ACACA: variants seen among roughly 807,000 people sequenced by gnomAD.
ACACA encodes the protein acetyl-CoA carboxylase 1.
ACACA carries 103 observed loss-of-function variants against 296.1 expected under a neutral mutation model. That is an observed-to-expected ratio of 0.35 (90% CI 0.30 to 0.41). The LOEUF (loss-of-function observed/expected upper bound fraction) is 0.41, where lower values mean the gene tolerates loss of function less well. ACACA is among the 10% of genes least tolerant of loss of function. The pLI, the probability that ACACA is intolerant of heterozygous loss-of-function variation, is 1.00. For synonymous variants in ACACA, 953 were observed against 1,038.6 expected (o/e 0.92, Z 1.58); for missense variants, 1,554 against 2,989.7 (o/e 0.52, Z 11.20).
chr17:37,164,434 GATAAATATAAGCTATTTAATAT>G (rs2076585085), intron 41 of ACACA, among the ~76,000 whole-genome samples: 1 of 151,936 alleles, frequency 6.6e-6, no homozygotes, highest in African/African-American at 2.4e-5. Context: ...AACACCCTCA[GATAAATATAAGCTATTTAATAT>G]ATCATACCAT....
At chr17:37,160,336 T>C (rs1423805900) in intron 42 of ACACA, among the ~76,000 whole-genome samples, 2 of 152,206 alleles carry the variant, frequency 1.3e-5, no homozygotes, top group Non-Finnish European at 2.9e-5. Flanking sequence ...GTAGGAACTA[T>C]TCATTCAAAG....
chr17:37,180,458 C>G (rs2077276624), intron 40 of ACACA, among the ~76,000 whole-genome samples: 1 of 152,068 alleles, frequency 6.6e-6, no homozygotes, highest in Non-Finnish European at 1.5e-5. Context: ...GACTAGGAGA[C>G]TTGGAAAAAT....
chr17:37,318,404 CTAA>C (rs1007500086), intron 3 of ACACA, among the ~76,000 whole-genome samples: 6 of 152,114 alleles, frequency 3.9e-5, no homozygotes, highest in African/African-American at 1.4e-4. Context: ...CACCACCTGG[CTAA>C]TGTTTGTATT....
At chr17:37,386,541 G>A (rs1003846377) in intron 1 of ACACA, among the ~76,000 whole-genome samples, 2 of 152,132 alleles carry the variant, frequency 1.3e-5, no homozygotes, top group African/African-American at 2.4e-5. Context: ...GCAGTGAGCC[G>A]AGATTGTCCC....
intron 2 of ACACA, among the ~76,000 whole-genome samples, chr17:37,335,998 TG>T (rs1293453148): frequency 6.6e-6 from 1 of 152,080 alleles, no homozygotes; most frequent in African/African-American, 2.4e-5. Context: ...CCTCAGCCAA[TG>T]GATGCCCTGG....
chr17:37,316,333 A>ACACC (rs987022083), intron 3 of ACACA, among the ~76,000 whole-genome samples: 10 of 149,554 alleles, frequency 6.7e-5, no homozygotes, highest in Admixed American at 2.0e-4. Flanking sequence ...ACACACACAC[A>ACACC]CCCCTAACTT....
chr17:37,351,528 T>C (rs1222611749), intron 1 of ACACA, among the ~76,000 whole-genome samples: 3 of 152,172 alleles, frequency 2.0e-5, no homozygotes, highest in Non-Finnish European at 4.4e-5. Flanking sequence ...CAACTGAAGA[T>C]TTTAAGTAAG....
intron 3 of ACACA, among the ~76,000 whole-genome samples, chr17:37,289,895 T>C (rs1281196583): frequency 6.6e-6 from 1 of 152,238 alleles, no homozygotes; most frequent in South Asian, 2.1e-4. Flanking sequence ...CACTGGACTG[T>C]TACATGAGCT....
intron 3 of ACACA, among the ~76,000 whole-genome samples, chr17:37,326,827 TAA>T (rs1039728904): frequency 7.1e-6 from 1 of 140,538 alleles, no homozygotes; most frequent in African/African-American, 2.6e-5. Context: ...AGTCTCCCTC[TAA>T]AAAAAAAAAA....
intron 41 of ACACA, among the ~76,000 whole-genome samples, chr17:37,178,699 G>A (rs1861566295): frequency 6.6e-6 from 1 of 152,112 alleles, no homozygotes; most frequent in South Asian, 2.1e-4. Context: ...TACTCAGGAG[G>A]CTGAGGTGAG....
At chr17:37,391,866 A>C (rs2147813315) in intron 1 of ACACA, 1 of 788,442 alleles carries the variant, frequency 1.3e-6, no homozygotes, top group Admixed American at 2.2e-5. Context: ...ATGAAGGGAG[A>C]GTGTGGGCTT....
intron 1 of ACACA, among the ~76,000 whole-genome samples, chr17:37,385,465 C>G (rs1020250542): frequency 1.3e-5 from 2 of 151,560 alleles, no homozygotes; most frequent in Non-Finnish European, 2.9e-5. Flanking sequence ...AGAGGGGGAC[C>G]CTGTCTTAAA....
intron 6 of ACACA, among the ~76,000 whole-genome samples, chr17:37,277,638 C>T (rs1236139005): frequency 6.6e-6 from 1 of 152,204 alleles, no homozygotes; most frequent in Admixed American, 6.5e-5. Context: ...TTTTTACTGG[C>T]TCAAAGGTGA....
At chr17:37,106,775 C>T (rs535037851) in intron 52 of ACACA, among the ~76,000 whole-genome samples, 12 of 152,320 alleles carry the variant, frequency 7.9e-5, no homozygotes, top group Middle Eastern at 3.4e-3. Flanking sequence ...GGGACCAAGA[C>T]ACATTCTGAT....
chr17:37,219,059 G>T (rs868080055), intron 29 of ACACA, among the ~76,000 whole-genome samples: 2 of 152,178 alleles, frequency 1.3e-5, no homozygotes, highest in Non-Finnish European at 2.9e-5. Context: ...AGGGGAGCTG[G>T]TCACTAGAAA....
At chr17:37,150,093 C>T in intron 44 of ACACA, 119 bp from the exon 45 acceptor site, 1 of 869,350 alleles carries the variant, frequency 1.2e-6, no homozygotes, top group Non-Finnish European at 1.9e-6. Flanking sequence ...TTTATGAAGT[C>T]TATTTGATTG....
intron 1 of ACACA, chr17:37,367,208 A>G (rs746265154): frequency 1.3e-5 from 2 of 150,306 alleles, no homozygotes; most frequent in Non-Finnish European, 2.9e-5. Flanking sequence ...GATGTGCCCA[A>G]TTTTCTTATT....
At chr17:37,255,606 C>T (rs2081191442) in intron 14 of ACACA, among the ~76,000 whole-genome samples, 1 of 152,206 alleles carries the variant, frequency 6.6e-6, no homozygotes, top group Non-Finnish European at 1.5e-5. Context: ...CAAATCAGGA[C>T]TTAAACCTAA....
chr17:37,228,925 C>T (rs550435217), intron 25 of ACACA, among the ~76,000 whole-genome samples: 4 of 152,038 alleles, frequency 2.6e-5, no homozygotes, highest in Admixed American at 1.3e-4. Flanking sequence ...GGGCGGATCA[C>T]GAGGTCAGGA....
Sources: allele counts gnomAD v4.1 joint callset (sites outside exome capture counted in the v4.1 genomes callset), GRCh38; gene constraint gnomAD v4.1.1; transcripts MANE v1.5; gene names NCBI Gene and HGNC (gene_info 2026-07-23, HGNC 2026-07-21).